Variants in ADGRD1 observed in about 807,000 individuals in gnomAD.
The protein encoded by ADGRD1 is adhesion G protein-coupled receptor D1.
In ADGRD1, 77 loss-of-function variants were observed where a neutral mutation model predicts 113.4. The ratio of observed to expected loss-of-function variants is 0.68; its 90% CI spans 0.57 to 0.82. The LOEUF (loss-of-function observed/expected upper bound fraction) is 0.82, where lower values mean the gene tolerates loss of function less well. Among genes scored for constraint, ADGRD1 ranks in the 40% least tolerant of loss-of-function variants. The pLI, the probability that ADGRD1 is intolerant of heterozygous loss-of-function variation, is 0.00. For missense variants in ADGRD1, 1,036 were observed against 1,139.1 expected, an observed-to-expected ratio of 0.91 and a Z score of 1.30; for synonymous variants, 474 against 475.0, an observed-to-expected ratio of 1.00 and a Z score of 0.03.
chr12:130,985,116 T>C (rs948263997), intron 5 of ADGRD1, among the ~76,000 whole-genome samples: 12 of 136,890 alleles, frequency 8.8e-5, no homozygotes, highest in Admixed American at 7.5e-4. Flanking sequence ...TTTTTTTTTT[T>C]GGTACAGGTG....
At chr12:130,996,617 G>A (rs1394402216) in intron 8 of ADGRD1, among the ~76,000 whole-genome samples, 1 of 111,582 alleles carries the variant, frequency 9.0e-6, no homozygotes, top group Non-Finnish European at 1.9e-5. Context: ...GGGCAGAGGC[G>A]CCCCTCACCT....
At chr12:131,004,593 C>T (rs1366310925) in intron 11 of ADGRD1, among the ~76,000 whole-genome samples, 2 of 152,174 alleles carry the variant, frequency 1.3e-5, no homozygotes, top group Non-Finnish European at 2.9e-5. Flanking sequence ...CTGGGAGCAT[C>T]TCAACCTGCT....
At chr12:131,066,967 C>T (rs1379907696) in intron 13 of ADGRD1, among the ~76,000 whole-genome samples, 1 of 152,156 alleles carries the variant, frequency 6.6e-6, no homozygotes. Flanking sequence ...AGCAGAGGGA[C>T]GAAGCGATGG....
chr12:131,131,597 GC>G, intron 20 of ADGRD1, 127 bp from the exon 21 acceptor site: 1 of 648,070 alleles, frequency 1.5e-6, no homozygotes. Flanking sequence ...TCCCAGTGAT[GC>G]CCCTGTGTCC....
chr12:131,123,211 A>G (rs1950647081), intron 20 of ADGRD1, among the ~76,000 whole-genome samples: 2 of 151,380 alleles, frequency 1.3e-5, no homozygotes, highest in Admixed American at 1.3e-4. Flanking sequence ...AGCCCAGCTA[A>G]TTTTTGTATT....
At chr12:131,000,344 A>G in intron 8 of ADGRD1, 39 bp from the exon 9 acceptor site, 1 of 1,555,562 alleles carries the variant, frequency 6.4e-7, no homozygotes. Context: ...TTGTTGCCTA[A>G]GGACAGGTGC....
chr12:131,118,783 T>C (rs1424271670), intron 19 of ADGRD1, among the ~76,000 whole-genome samples: 2 of 152,248 alleles, frequency 1.3e-5, no homozygotes, highest in Non-Finnish European at 2.9e-5. Context: ...GGAGGCTGAA[T>C]TGTGGCCCTT....
chr12:131,059,919 G>A (rs181039750), intron 13 of ADGRD1, among the ~76,000 whole-genome samples: 22 of 152,106 alleles, frequency 1.4e-4, no homozygotes, highest in African/African-American at 3.6e-4. Flanking sequence ...AGATTTTTCC[G>A]GTTCTCGGTA....
At chr12:131,051,257 T>G (rs888632004) in intron 13 of ADGRD1, among the ~76,000 whole-genome samples, 1 of 152,206 alleles carries the variant, frequency 6.6e-6, no homozygotes, top group Non-Finnish European at 1.5e-5. Flanking sequence ...CCAGGAACGA[T>G]TCCTTGTTTC....
chr12:130,975,828 T>C (rs1410604329), intron 4 of ADGRD1, among the ~76,000 whole-genome samples: 1 of 152,224 alleles, frequency 6.6e-6, no homozygotes, highest in African/African-American at 2.4e-5. Flanking sequence ...GATATTGGGC[T>C]AAATTCCGTC....
chr12:131,049,416 G>A (rs144226162), intron 13 of ADGRD1, among the ~76,000 whole-genome samples: 348 of 152,322 alleles, frequency 2.3e-3, no homozygotes, highest in African/African-American at 7.7e-3. Context: ...GTGGAGAAAC[G>A]TCTTTTCGAT....
intron 13 of ADGRD1, among the ~76,000 whole-genome samples, chr12:131,029,663 A>G (rs12816727): frequency 0.027 from 1,665 of 60,744 alleles, 8 homozygotes; most frequent in Middle Eastern, 0.097. Flanking sequence ...GGGTTAGGTT[A>G]TGGACCCCTC....
Position 131,004,178 on chromosome 12 carries a change from C to T in ADGRD1, c.1145-8C>T, listed in dbSNP as rs372004458. The T allele has an allele frequency of 2.8e-5, 44 of 1,584,804 alleles. No individual in the cohort carries two copies. In the African/African-American group the frequency reaches 5.4e-4, roughly 19 times the overall value. ...GGGACTTCCGCTCTCTCGCTCCTTC[C>T]ACCGCAGAGTTTTCCGTGGCCAAAA... On this transcript the variant is annotated splice_region_variant and splice_polypyrimidine_tract_variant and intron_variant, in intron 10 of 24. Coordinates refer to ENST00000261654, the MANE Select transcript of ADGRD1 (RefSeq NM_198827.5).
intron 18 of ADGRD1, among the ~76,000 whole-genome samples, chr12:131,112,334 T>C (rs1362515899): frequency 6.6e-6 from 1 of 152,236 alleles, no homozygotes; most frequent in Non-Finnish European, 1.5e-5. Context: ...TGCCAGCCTA[T>C]GGCTCTGTTG....
intron 13 of ADGRD1, among the ~76,000 whole-genome samples, chr12:131,068,320 T>C (rs1884886845): frequency 6.6e-6 from 1 of 152,156 alleles, no homozygotes; most frequent in Non-Finnish European, 1.5e-5. Context: ...CTCTGGGCAT[T>C]TGGGTTTTTT....
At position 131,101,377 on chromosome 12, in the gene ADGRD1, C is replaced by CTTT. The variant is rs71095334; in HGVS notation, c.1672-3429_1672-3427dup. 5.9e-3 allele frequency among the ~76,000 whole-genome samples: 213 copies of CTTT among 36,124 alleles called. 22 individuals carry two copies. The highest frequency in any genetic ancestry group is 9.5e-3 in the African/African-American group (103 of 10,876). 23.7% of individuals were successfully genotyped at this position (36,124 alleles called of 152,430 possible). On this transcript the variant is annotated intron_variant, in intron 15 of 24. Coordinates refer to ENST00000261654, the MANE Select transcript of ADGRD1 (RefSeq NM_198827.5). ...TTATTTTTTTTCTTTTTCTTTCTTT[C>CTTT]TTTTTTTTTTTTTTTTTTTTTTTTT... is the stretch of plus-strand genomic sequence containing the variant.
intron 13 of ADGRD1, among the ~76,000 whole-genome samples, chr12:131,038,728 G>C (rs1404295582): frequency 6.6e-6 from 1 of 152,230 alleles, no homozygotes; most frequent in Non-Finnish European, 1.5e-5. Flanking sequence ...AGGTGAGGGG[G>C]ACGGCAGTGA....
At chr12:131,011,288 C>G (rs568389070) in intron 12 of ADGRD1, among the ~76,000 whole-genome samples, 7 of 151,450 alleles carry the variant, frequency 4.6e-5, no homozygotes, top group African/African-American at 1.5e-4. Context: ...CATCTGGCGT[C>G]GCACTGATTA....
intron 15 of ADGRD1, among the ~76,000 whole-genome samples, chr12:131,086,024 G>C (rs1437331027): frequency 6.6e-6 from 1 of 152,278 alleles, no homozygotes; most frequent in South Asian, 2.1e-4. Context: ...CCCGGGAGGG[G>C]GCACCAAGCT....
Sources: gnomAD v4.1 joint callset for allele counts (sites outside exome capture counted in the v4.1 genomes callset) on GRCh38, gnomAD v4.1.1 for gene constraint, MANE v1.5 for transcripts, NCBI Gene and HGNC (gene_info 2026-07-23, HGNC 2026-07-21) for gene names.